The following METTL14 variants were observed in gnomAD, a reference collection of about 807,000 sequenced individuals.
The protein encoded by METTL14 is N(6)-adenosine-methyltransferase non-catalytic subunit METTL14.
A neutral mutation model predicts 62.4 loss-of-function variants in METTL14; 32 were observed. The ratio of observed to expected loss-of-function variants is 0.51; its 90% CI spans 0.39 to 0.69. The LOEUF is 0.69. METTL14 is among the 30% of genes least tolerant of loss of function. The pLI, the probability that METTL14 is intolerant of heterozygous loss-of-function variation, is 0.00. For synonymous variants in METTL14, 150 were observed against 180.0 expected (o/e 0.83, Z 1.34); for missense variants, 340 against 551.9 (o/e 0.62, Z 3.85).
intron 3 of METTL14, 29 bp downstream of exon 3, chr4:118,689,486 T>G (rs761759086): frequency 1.6e-6 from 2 of 1,277,404 alleles, no homozygotes; most frequent in Non-Finnish European, 2.2e-6. Flanking sequence ...AAGTTTATGG[T>G]CAAAGAAAAC....
chr4:118,688,116 G>T, intron 2 of METTL14, 105 bp downstream of exon 2: 4 of 884,130 alleles, frequency 4.5e-6, no homozygotes, highest in African/African-American at 1.7e-5. Flanking sequence ...GCTCACTGCA[G>T]CCTTGACTCC....
At chr4:118,708,089 G>A (rs1724812745) in intron 10 of METTL14, among the ~76,000 whole-genome samples, 2 of 152,136 alleles carry the variant, frequency 1.3e-5, no homozygotes, top group Admixed American at 1.3e-4. Context: ...CCTCCAAATT[G>A]CTGGGATTAC....
At chr4:118,703,770 A>G (rs1457808020) in intron 8 of METTL14, among the ~76,000 whole-genome samples, 165 bp from the exon 9 acceptor site, 1 of 152,200 alleles carries the variant, frequency 6.6e-6, no homozygotes, top group African/African-American at 2.4e-5. Flanking sequence ...GTATTTAAAG[A>G]CTGGCATTTC....
intron 1 of METTL14, chr4:118,686,705 G>A: frequency 8.9e-6 from 4 of 451,736 alleles, no homozygotes; most frequent in South Asian, 6.3e-5. Flanking sequence ...AAAATGTTAA[G>A]TAGCTCTTTG....
chr4:118,706,944 G>T (rs1724773305), intron 10 of METTL14, among the ~76,000 whole-genome samples: 1 of 151,998 alleles, frequency 6.6e-6, no homozygotes, highest in Non-Finnish European at 1.5e-5. Flanking sequence ...TCTTATTGTT[G>T]AGGTTTAAGA....
chr4:118,689,421 A>C lies in METTL14; in HGVS notation c.207A>C (p.Glu69Asp). 6.2e-7 allele frequency: 1 copy of C among 1,606,080 alleles called. No homozygotes were observed. Among genetic ancestry groups the C allele is most frequent in the Non-Finnish European group, 8.5e-7 (1 of 1,175,986 alleles). ...APNAKRKYLD[E>D]GETDEDKMEE... ...ATGCAAAACGTAAGTATCTGGATGA[A>C]GGAGAGACAGATGAAGACAAAATGG... Residue 69 changes from glutamate to aspartate, a missense_variant, in exon 3 of 11, where the codon GAA becomes GAC. Coordinates refer to ENST00000388822, the MANE Select transcript of METTL14 (RefSeq NM_020961.4).
intron 3 of METTL14, among the ~76,000 whole-genome samples, chr4:118,691,214 A>G (rs1724236088): frequency 6.6e-6 from 1 of 152,184 alleles, no homozygotes; most frequent in Non-Finnish European, 1.5e-5. Flanking sequence ...TCATATTGCA[A>G]CATTGGTGGT....
chr4:118,692,858 C>T (rs1472107765), intron 5 of METTL14, among the ~76,000 whole-genome samples: 3 of 152,094 alleles, frequency 2.0e-5, no homozygotes, highest in Non-Finnish European at 4.4e-5. Context: ...CCTTAAGTAT[C>T]TGCTGATCTA....
At position 118,685,393 on chromosome 4, in the gene METTL14, A is replaced by G. The variant is rs902957400; in HGVS notation, c.-142A>G. The G allele has an allele frequency of 2.5e-6, 2 of 808,792 alleles. No homozygotes were observed. The highest frequency in any genetic ancestry group is 3.4e-5 in the African/African-American group (2 of 58,442). The allele number at this position is 808,792 out of a possible 1,614,324, so 50.1% of individuals were successfully genotyped here. A position where few individuals can be genotyped will look rare whatever the true frequency, so the allele number is the denominator to read the frequency against. On this transcript the variant is annotated 5_prime_UTR_variant, in exon 1 of 11. Coordinates refer to ENST00000388822, the MANE Select transcript of METTL14 (RefSeq NM_020961.4). ...GCGAGCCAATTCCGGCCGCGCCGGA[A>G]GTCTCTACTGAGGAAAGCTATGAGG...
chr4:118,694,096 G>A (rs1310631547), intron 5 of METTL14, among the ~76,000 whole-genome samples: 3 of 149,530 alleles, frequency 2.0e-5, no homozygotes, highest in African/African-American at 4.9e-5. Context: ...TAAGAGGAAG[G>A]GGGAAAAGAA....
Position 118,687,965 on chromosome 4 carries a change from A to T in METTL14, c.109A>T (p.Ser37Cys). The change falls in exon 2 of 11, where the codon AGC (serine) becomes TGC (cysteine). Residue 37 changes from serine (S) to cysteine (C), a missense_variant. Ser to Cys is a moderately radical substitution (Grantham distance 112, BLOSUM62 -1). This residue lies in a region of METTL14 where 111 missense variants were observed against 116.6 expected (regional missense o/e 0.95). Transcript: ENST00000388822. ...SADSIGAVLN[S>C]KDEQREIAET... The stretch of plus-strand genomic sequence containing the variant: ...CGACAGCATTGGTGCCGTGTTAAAT[A>T]GCAAAGATGAGCAGAGAGAAATTGC... 6.2e-7 allele frequency: 1 copy of T among 1,613,944 alleles called. No individual in the cohort carries two copies. The highest frequency in any genetic ancestry group is 1.7e-4 in the Middle Eastern group (1 of 6,056).
At chr4:118,694,808 G>GT (rs1189534370) in intron 6 of METTL14, among the ~76,000 whole-genome samples, 1 of 151,442 alleles carries the variant, frequency 6.6e-6, no homozygotes, top group African/African-American at 2.4e-5. Context: ...TTCTTTTTTT[G>GT]TTTTGAGATG....
intron 8 of METTL14, among the ~76,000 whole-genome samples, chr4:118,702,938 T>TTTATTATTATTATTA (rs70944804): frequency 8.1e-5 from 11 of 135,144 alleles, no homozygotes; most frequent in Middle Eastern, 3.8e-3. Context: ...GTTGGAAGGT[T>TTTATTATTATTATTA]TTATTATTAT....
chr4:118,707,924 C>G (rs919579102), intron 10 of METTL14, among the ~76,000 whole-genome samples: 4 of 151,580 alleles, frequency 2.6e-5, no homozygotes, highest in African/African-American at 9.7e-5. Flanking sequence ...ACCCCCGCCT[C>G]CCAGGTTCAA....
intron 8 of METTL14, among the ~76,000 whole-genome samples, chr4:118,703,481 T>C (rs1724664684): frequency 6.6e-6 from 1 of 152,234 alleles, no homozygotes; most frequent in African/African-American, 2.4e-5. Context: ...AGAAATAAGA[T>C]TTTATAAGAC....
chr4:118,712,885 C>CT lies in METTL14; in HGVS notation c.*2589dup, dbSNP rs1400358127. On this transcript the variant is annotated 3_prime_UTR_variant, in exon 11 of 11. Transcript: ENST00000388822. The stretch of plus-strand genomic sequence containing the variant: ...CCAAAGTACTGATTGAGTAGGAATA[C>CT]TTTTTTACTCTTCTTCACTGTGGAG... 6.6e-6 allele frequency: 1 copy of CT among 152,040 alleles called. No individual in the cohort carries two copies. Among genetic ancestry groups the CT allele is most frequent in the Non-Finnish European group, 1.5e-5 (1 of 68,016 alleles). The allele number at this position is 152,040 out of a possible 1,614,324, so 9.4% of individuals were successfully genotyped here.
intron 3 of METTL14, among the ~76,000 whole-genome samples, chr4:118,689,728 C>T (rs1344121386): frequency 1.3e-5 from 2 of 151,622 alleles, no homozygotes; most frequent in African/African-American, 2.4e-5. Flanking sequence ...CTGCAACCTC[C>T]GCCTCCTGGA....
chr4:118,709,948 TAAG>T, intron 10 of METTL14, 47 bp from the exon 11 acceptor site: 1 of 1,513,682 alleles, frequency 6.6e-7, no homozygotes, highest in Non-Finnish European at 8.9e-7. Context: ...AAAGAATTAA[TAAG>T]AGAGAATTGC....
Position 118,710,209 on chromosome 4 carries a change from A to T in METTL14, c.1278A>T (p.Gly426=), listed in dbSNP as rs151041593. 7.1e-4 allele frequency: 1,153 copies of T among 1,614,100 alleles called. 1 individual carries two copies. The highest frequency in any genetic ancestry group is 9.2e-4 in the Non-Finnish European group (1,081 of 1,180,048). Residue 426 remains glycine, a synonymous_variant, in exon 11 of 11, where the codon GGA becomes GGT. Transcript: ENST00000388822. Reference sequence around the variant, plus strand: ...GAGGTGGAACTTCTGCTGGCCGTGGACGAGAAAGAAATAGATCTAACTTCC... The same window carrying T: ...GAGGTGGAACTTCTGCTGGCCGTGGTCGAGAAAGAAATAGATCTAACTTCC... The part of the protein sequence containing the change: ...GGRGGTSAGR[G]RERNRSNFRG...
Sources: allele counts gnomAD v4.1 joint callset (sites outside exome capture counted in the v4.1 genomes callset), GRCh38; gene constraint gnomAD v4.1.1; regional missense constraint gnomAD v4.1.1; transcripts MANE v1.5; gene names NCBI Gene and HGNC (gene_info 2026-07-23, HGNC 2026-07-21).